Variants in VOPP1 observed in about 807,000 individuals in gnomAD.
VOPP1 encodes the protein WW domain binding protein VOPP1.
In VOPP1, 8 loss-of-function variants were observed where a neutral mutation model predicts 23.5. That is an observed-to-expected ratio of 0.34 (90% CI 0.20 to 0.61). The LOEUF is 0.61. Among genes scored for constraint, VOPP1 ranks in the 20% least tolerant of loss-of-function variants. VOPP1 has a pLI of 0.78. For missense variants in VOPP1, 174 were observed against 238.1 expected (o/e 0.73, Z 1.77); for synonymous variants, 83 against 97.3 (o/e 0.85, Z 0.86).
At chr7:55,516,182 T>G in intron 2 of VOPP1, 4 of 185,596 alleles carry the variant, frequency 2.2e-5, no homozygotes, top group Non-Finnish European at 4.1e-5. Context: ...ATCAGAGCTC[T>G]TGGAAGGGCA....
At chr7:55,556,224 C>A (rs576104457) in intron 1 of VOPP1, among the ~76,000 whole-genome samples, 2 of 152,286 alleles carry the variant, frequency 1.3e-5, no homozygotes, top group East Asian at 3.9e-4. Context: ...GGCTACCTAG[C>A]AAGGCAGGAG....
intron 1 of VOPP1, among the ~76,000 whole-genome samples, chr7:55,522,067 T>C (rs973056448): frequency 1.3e-5 from 2 of 152,178 alleles, no homozygotes; most frequent in Admixed American, 6.5e-5. Flanking sequence ...AAACAAAGCT[T>C]TCTTTGGGTG....
At chr7:55,571,908 C>T (rs1798372679) in intron 1 of VOPP1, 2 of 203,978 alleles carry the variant, frequency 9.8e-6, no homozygotes, top group African/African-American at 4.6e-5. Flanking sequence ...GAGGACCACC[C>T]CCGCCCAACC....
chr7:55,499,157 ATGT>A (rs1255452841), intron 2 of VOPP1, among the ~76,000 whole-genome samples: 3 of 151,996 alleles, frequency 2.0e-5, no homozygotes, highest in African/African-American at 7.3e-5. Context: ...GTGCTCAAGA[ATGT>A]TGCTGGTCCT....
chr7:55,463,453 G>GT (rs113617632), intron 4 of VOPP1, among the ~76,000 whole-genome samples: 3 of 152,274 alleles, frequency 2.0e-5, no homozygotes, highest in South Asian at 2.1e-4. Context: ...CCTGATAGAT[G>GT]TATCTATTGT....
chr7:55,571,379 G>C (rs1798347984), intron 1 of VOPP1, among the ~76,000 whole-genome samples: 1 of 152,216 alleles, frequency 6.6e-6, no homozygotes, highest in African/African-American at 2.4e-5. Context: ...TCCTAAAACA[G>C]AGGCATGGGA....
intron 4 of VOPP1, among the ~76,000 whole-genome samples, chr7:55,483,685 T>G (rs1312993275): frequency 6.6e-6 from 1 of 152,256 alleles, no homozygotes; most frequent in Non-Finnish European, 1.5e-5. Flanking sequence ...TACTTTCCCA[T>G]GTCATGCTCT....
At chr7:55,480,499 C>T (rs1375500391) in intron 4 of VOPP1, among the ~76,000 whole-genome samples, 2 of 152,142 alleles carry the variant, frequency 1.3e-5, no homozygotes, top group Non-Finnish European at 1.5e-5. Flanking sequence ...TGCTCTATTG[C>T]TTTTTATCAA....
At chr7:55,521,034 G>GC (rs1795812653) in intron 2 of VOPP1, 38 bp downstream of exon 2, 1 of 1,547,174 alleles carries the variant, frequency 6.5e-7, no homozygotes, top group African/African-American at 1.4e-5. Flanking sequence ...GAAAGGTATG[G>GC]CCACAGAATG....
At chr7:55,564,239 CTCTG>C (rs1366397949) in intron 1 of VOPP1, among the ~76,000 whole-genome samples, 1 of 118,040 alleles carries the variant, frequency 8.5e-6, no homozygotes, top group African/African-American at 3.5e-5. Context: ...TTCTCTCTGT[CTCTG>C]TCTCTCTCTC....
At chr7:55,512,860 G>A (rs759704143) in intron 2 of VOPP1, among the ~76,000 whole-genome samples, 38 of 152,232 alleles carry the variant, frequency 2.5e-4, no homozygotes, top group Non-Finnish European at 4.0e-4. Context: ...GCTGGTGAGA[G>A]GTGACCTTGT....
intron 1 of VOPP1, among the ~76,000 whole-genome samples, chr7:55,534,065 T>A (rs1338039774): frequency 6.6e-6 from 1 of 151,614 alleles, no homozygotes; most frequent in Non-Finnish European, 1.5e-5. Flanking sequence ...CTGTCAGCTA[T>A]AATTTCTAAT....
Position 55,497,627 on chromosome 7 carries a change from C to T in VOPP1, c.177G>A (p.Arg59=), listed in dbSNP as rs1794061890. 6.2e-7 allele frequency: 1 copy of T among 1,613,320 alleles called. No homozygotes were observed. The highest frequency in any genetic ancestry group is 2.2e-5 in the East Asian group (1 of 44,804). Residue 59 remains arginine, a synonymous_variant, in exon 3 of 5, where the codon AGG becomes AGA. Transcript: ENST00000285279. ...RCCVRALSIQ[R]LWYFWFLLMM... is the part of the protein sequence containing the mutation. ...TTGTGACCTACCAGAAGTACCACAG[C>T]CTCTGTATGGAGAGGGCCCGCACAC...
At chr7:55,480,456 AGATTT>A (rs1158145362) in intron 4 of VOPP1, among the ~76,000 whole-genome samples, 3 of 152,214 alleles carry the variant, frequency 2.0e-5, no homozygotes, top group African/African-American at 2.4e-5. Context: ...TTTATTGATT[AGATTT>A]ATCAGGAGGG....
chr7:55,472,767 A>G lies in VOPP1; in HGVS notation c.*88T>C. ...GAGGAACTGCCCTTAGCAGCCCACG[A>G]GACCGTTCCTGGAAGTGAACATCAA... On this transcript the variant is annotated 3_prime_UTR_variant, in exon 5 of 5. Transcript: ENST00000285279. 1 of 644,822 alleles carries G rather than the reference A, an allele frequency of 1.6e-6. No homozygotes were observed. The highest frequency in any genetic ancestry group is 2.4e-6 in the Non-Finnish European group (1 of 419,758). 39.9% of individuals were successfully genotyped at this position (644,822 alleles called of 1,614,324 possible).
chr7:55,526,038 GA>G (rs2129044260), intron 1 of VOPP1, among the ~76,000 whole-genome samples: 1 of 152,314 alleles, frequency 6.6e-6, no homozygotes, highest in African/African-American at 2.4e-5. Context: ...TGGGCTCTGG[GA>G]AAACAGCAGC....
intron 2 of VOPP1, among the ~76,000 whole-genome samples, chr7:55,510,682 C>T (rs1583972536): frequency 1.3e-5 from 2 of 151,518 alleles, no homozygotes; most frequent in East Asian, 3.9e-4. Flanking sequence ...CACAATGCTG[C>T]ATGCAGGAGG....
chr7:55,438,560 G>C (rs141101695), intron 4 of VOPP1, among the ~76,000 whole-genome samples: 1,530 of 152,300 alleles, frequency 0.01, 21 homozygotes, highest in African/African-American at 0.034. Flanking sequence ...GAGGCTGGCA[G>C]GTGAATAAGT....
intron 1 of VOPP1, 115 bp from the exon 2 acceptor site, chr7:55,521,245 T>A: frequency 9.0e-7 from 1 of 1,105,174 alleles, no homozygotes; most frequent in Non-Finnish European, 1.3e-6. Flanking sequence ...CATGAAAAGC[T>A]GGGATATCGG....
Sources: allele counts gnomAD v4.1 joint callset (sites outside exome capture counted in the v4.1 genomes callset), GRCh38; gene constraint gnomAD v4.1.1; transcripts MANE v1.5; gene names NCBI Gene and HGNC (gene_info 2026-07-23, HGNC 2026-07-21).